KIF2A: variants seen among roughly 807,000 people sequenced by gnomAD.
The protein encoded by KIF2A is kinesin family member 2A, also known as kinesin-like protein KIF2A.
KIF2A carries 22 observed loss-of-function variants against 100.2 expected under a neutral mutation model. The ratio of observed to expected loss-of-function variants is 0.22; its 90% CI spans 0.16 to 0.31. The LOEUF (loss-of-function observed/expected upper bound fraction) is 0.31, where lower values mean the gene tolerates loss of function less well. KIF2A is among the 10% of genes least tolerant of loss of function. The pLI, the probability that KIF2A is intolerant of heterozygous loss-of-function variation, is 1.00. For missense variants in KIF2A, 495 were observed against 898.7 expected (o/e 0.55, Z 5.74); for synonymous variants, 268 against 285.9 (o/e 0.94, Z 0.63).
chr5:62,331,390 A>G (rs187216507), intron 1 of KIF2A, among the ~76,000 whole-genome samples: 16 of 152,000 alleles, frequency 1.1e-4, no homozygotes, highest in Admixed American at 2.0e-4. Context: ...CAGCTTGGGC[A>G]ACAAGAGCAA....
intron 9 of KIF2A, among the ~76,000 whole-genome samples, 186 bp downstream of exon 9, chr5:62,358,485 C>T (rs533834467): frequency 6.6e-6 from 1 of 152,172 alleles, no homozygotes; most frequent in African/African-American, 2.4e-5. Flanking sequence ...TAATGCTCCC[C>T]AAAATCATAG....
intron 1 of KIF2A, among the ~76,000 whole-genome samples, chr5:62,322,138 C>A (rs1381149810): frequency 1.3e-4 from 19 of 151,986 alleles, no homozygotes; most frequent in Non-Finnish European, 1.5e-5. Flanking sequence ...CACTATGTTA[C>A]CCAGGCTGGT....
intron 1 of KIF2A, among the ~76,000 whole-genome samples, chr5:62,343,114 T>C (rs1747384538): frequency 6.6e-6 from 1 of 152,180 alleles, no homozygotes; most frequent in Non-Finnish European, 1.5e-5. Flanking sequence ...GCAGTAAACC[T>C]CTTGTACTCC....
At position 62,354,811 on chromosome 5, in the gene KIF2A, G is replaced by A. The variant is rs925723149; in HGVS notation, c.559-348G>A. 1.2e-4 allele frequency among the ~76,000 whole-genome samples: 18 copies of A among 152,216 alleles called. No homozygotes were observed. In the East Asian group the frequency reaches 3.3e-3, roughly 28 times the overall value. ...TAGAGTTATTTGCCAGTGGTAACAT[G>A]AGCATTATTTCTCTGTTGCTGCATT... On this transcript the variant is annotated intron_variant, in intron 6 of 20. Transcript: ENST00000407818.
intron 20 of KIF2A, 129 bp downstream of exon 20, chr5:62,381,382 C>G: frequency 2.8e-6 from 2 of 712,454 alleles, no homozygotes; most frequent in Non-Finnish European, 4.7e-6. Flanking sequence ...CATCTATTTT[C>G]CAGAGGTATA....
chr5:62,378,878 G>C (rs1163486210), intron 19 of KIF2A, among the ~76,000 whole-genome samples: 1 of 152,130 alleles, frequency 6.6e-6, no homozygotes, highest in African/African-American at 2.4e-5. Flanking sequence ...TCACACCACT[G>C]CACTCCAGCC....
At chr5:62,380,498 C>T (rs1741727960) in intron 19 of KIF2A, among the ~76,000 whole-genome samples, 1 of 152,090 alleles carries the variant, frequency 6.6e-6, no homozygotes, top group Non-Finnish European at 1.5e-5. Context: ...ACAGTTGACC[C>T]TTGAAAACTG....
intron 1 of KIF2A, among the ~76,000 whole-genome samples, chr5:62,331,884 T>C (rs990102488): frequency 1.1e-4 from 17 of 152,194 alleles, no homozygotes; most frequent in Non-Finnish European, 2.5e-4. Context: ...TTTCCTAACG[T>C]TCTACTACTA....
intron 18 of KIF2A, among the ~76,000 whole-genome samples, chr5:62,376,565 G>A (rs1312909620): frequency 2.0e-5 from 3 of 151,834 alleles, no homozygotes; most frequent in East Asian, 1.9e-4. Context: ...GATTACAGGC[G>A]CACACCACCA....
Position 62,352,669 on chromosome 5 carries a change from T to C in KIF2A, c.416T>C (p.Ile139Thr). ...CAACAGAATGGTAGTGTTTCAGATA[T>C]ATCTCCAGTTCAAGCTGCAAAAAAG... is the stretch of plus-strand genomic sequence containing the variant. ...SAQQNGSVSD[I>T]SPVQAAKKEF... The change falls in exon 5 of 21, where the codon ATA (isoleucine) becomes ACA (threonine). Residue 139 changes from isoleucine (I) to threonine (T), a missense_variant. By Grantham distance (89) the Ile-to-Thr change is moderately conservative. Coordinates refer to ENST00000407818, the MANE Select transcript of KIF2A (RefSeq NM_001098511.3). 1 of 1,611,330 alleles carries C rather than the reference T, an allele frequency of 6.2e-7. No homozygotes were observed. The highest frequency in any genetic ancestry group is 8.5e-7 in the Non-Finnish European group (1 of 1,178,342).
At chr5:62,382,278 T>A (rs1741801352) in intron 20 of KIF2A, among the ~76,000 whole-genome samples, 1 of 152,072 alleles carries the variant, frequency 6.6e-6, no homozygotes, top group Non-Finnish European at 1.5e-5. Context: ...AAAAAATAAT[T>A]TAAAAATTTA....
chr5:62,328,430 G>A (rs191461937), intron 1 of KIF2A, among the ~76,000 whole-genome samples: 2 of 151,578 alleles, frequency 1.3e-5, no homozygotes, highest in East Asian at 3.9e-4. Flanking sequence ...TTTGGACGGT[G>A]TTTTAACCTT....
rs760056933 is a variant in KIF2A at position 62,390,843 on chromosome 5, T to C, written c.*5274T>C. 2 of 1,563,996 alleles carry C rather than the reference T, an allele frequency of 1.3e-6. No individual in the cohort carries two copies. Among genetic ancestry groups the C allele is most frequent in the Admixed American group, 3.3e-5 (2 of 59,920 alleles). ...ATCTGAAGGTGTCACAGTAAAGAAATGTAAACACTTAGGAAAACAAAAATG... is the reference window on the plus strand; with the variant it reads ...ATCTGAAGGTGTCACAGTAAAGAAACGTAAACACTTAGGAAAACAAAAATG... On this transcript the variant is annotated 3_prime_UTR_variant, in exon 21 of 21. Coordinates refer to ENST00000407818, the MANE Select transcript of KIF2A (RefSeq NM_001098511.3).
In KIF2A at chr5:62,385,729, T is replaced by A. The variant is rs943351473; in HGVS notation, c.*160T>A. 1.7e-6 allele frequency: 1 copy of A among 600,070 alleles called. No homozygotes were observed. Among genetic ancestry groups the A allele is most frequent in the Non-Finnish European group, 3.0e-6 (1 of 331,520 alleles). 37.2% of individuals were successfully genotyped at this position (600,070 alleles called of 1,614,324 possible). On this transcript the variant is annotated 3_prime_UTR_variant, in exon 21 of 21. Transcript: ENST00000407818. ...TTCAATTTTGTGAAACACTCTTTTG[T>A]CTACAAAATGCTTCTAGTCCAGGAG...
chr5:62,329,313 G>A (rs924311330), intron 1 of KIF2A, among the ~76,000 whole-genome samples: 1 of 152,212 alleles, frequency 6.6e-6, no homozygotes, highest in African/African-American at 2.4e-5. Context: ...TGTCAGCTGA[G>A]ACATTATTTA....
chr5:62,311,624 A>G (rs866580709), intron 1 of KIF2A, among the ~76,000 whole-genome samples: 11 of 152,188 alleles, frequency 7.2e-5, no homozygotes, highest in South Asian at 6.2e-4. Context: ...ACACGTCACT[A>G]TATAGGCTTC....
In KIF2A at chr5:62,387,761, T is replaced by C. The variant is rs1742106331; in HGVS notation, c.*2192T>C. On this transcript the variant is annotated 3_prime_UTR_variant, in exon 21 of 21. Transcript: ENST00000407818. ...ATTAAACAAAAAAATCTACTCTTAA[T>C]GTATATTATTTCATATTTGTTTAAC... 1 of 113,450 alleles carries C rather than the reference T, an allele frequency of 8.8e-6. No homozygotes were observed. The highest frequency in any genetic ancestry group is 2.4e-4 in the South Asian group (1 of 4,090). 7.0% of individuals were successfully genotyped at this position (113,450 alleles called of 1,614,324 possible). A position where few individuals can be genotyped will look rare whatever the true frequency, so the allele number is the denominator to read the frequency against.
intron 20 of KIF2A, among the ~76,000 whole-genome samples, chr5:62,383,233 T>A (rs1389725583): frequency 2.1e-3 from 157 of 75,632 alleles, no homozygotes; most frequent in African/African-American, 9.3e-3. Flanking sequence ...GGCCAGATTT[T>A]TTTTTTTTTT....
At chr5:62,338,662 C>CA (rs1747106563) in intron 1 of KIF2A, among the ~76,000 whole-genome samples, 1 of 151,468 alleles carries the variant, frequency 6.6e-6, no homozygotes, top group African/African-American at 2.4e-5. Context: ...CATAGCATAC[C>CA]AAAAAACAAC....
Sources: gnomAD v4.1 joint callset for allele counts (sites outside exome capture counted in the v4.1 genomes callset) on GRCh38, gnomAD v4.1.1 for gene constraint, MANE v1.5 for transcripts, NCBI Gene and HGNC (gene_info 2026-07-23, HGNC 2026-07-21) for gene names.